PTPRD: variants seen among roughly 807,000 people sequenced by gnomAD.
PTPRD encodes protein tyrosine phosphatase receptor type D.
In PTPRD, 34 loss-of-function variants were observed where a neutral mutation model predicts 214.5. The ratio of observed to expected loss-of-function variants is 0.16; its 90% confidence interval spans 0.12 to 0.21. The LOEUF (loss-of-function observed/expected upper bound fraction) is 0.21. Ranked by LOEUF, PTPRD falls within the 10% of genes least tolerant of loss-of-function variation. The pLI is 1.00. For missense variants in PTPRD, 2,545 were observed against 2,398.7 expected (o/e 1.06, Z -1.27); for synonymous variants, 1,128 against 845.7 (o/e 1.33, Z -5.79).
intron 2 of PTPRD, among the ~76,000 whole-genome samples, chr9:10,563,289 G>A (rs2064561174): frequency 6.6e-6 from 1 of 152,150 alleles, no homozygotes; most frequent in South Asian, 2.1e-4. Context: ...TGAAGTTAAA[G>A]TTATGAAGGT....
intron 9 of PTPRD, among the ~76,000 whole-genome samples, chr9:9,208,489 C>T (rs1171718592): frequency 6.6e-6 from 1 of 151,586 alleles, no homozygotes; most frequent in African/African-American, 2.4e-5. Flanking sequence ...TGATATGTTC[C>T]CTTTATTTGG....
At chr9:10,059,257 G>C (rs753858236) in intron 3 of PTPRD, among the ~76,000 whole-genome samples, 21 of 152,252 alleles carry the variant, frequency 1.4e-4, no homozygotes, top group Non-Finnish European at 2.6e-4. Flanking sequence ...CTGCTCAGCA[G>C]TTCAGCCAAT....
At position 9,912,622 on chromosome 9, in the gene PTPRD, G is replaced by C. The variant is rs1313420705; in HGVS notation, c.-368+25885C>G. Among the ~76,000 whole-genome samples, 17 of 152,266 alleles carry C rather than the reference G, an allele frequency of 1.1e-4. No homozygotes were observed. In the East Asian group the frequency reaches 3.3e-3, roughly 29 times the overall value. On this transcript the variant is annotated intron_variant, in intron 5 of 45. Transcript: ENST00000381196. The stretch of plus-strand genomic sequence containing the variant: ...TCGTTGGCAATCAGTGCTGAAGCCT[G>C]ACACGTGAGTTTGCATCTCCCTCTG...
intron 12 of PTPRD, among the ~76,000 whole-genome samples, chr9:8,708,805 G>A (rs1383318614): frequency 6.6e-6 from 1 of 151,216 alleles, no homozygotes; most frequent in African/African-American, 2.4e-5. Flanking sequence ...CCTGTTTATT[G>A]CAGTAATACT....
At chr9:8,878,240 G>A (rs1181872046) in intron 11 of PTPRD, among the ~76,000 whole-genome samples, 8 of 152,134 alleles carry the variant, frequency 5.3e-5, no homozygotes, top group Non-Finnish European at 1.0e-4. Context: ...AGGGGAATTG[G>A]TCCACAACAT....
Position 8,933,340 on chromosome 9 carries a change from G to GTTTTTTTTTTT in PTPRD, c.-104+85346_-104+85356dup, listed in dbSNP as rs71317383. ...CCATCTTGCCAGCCACAACCTTGAGGTTTTTTTTTTTTTTTTTTTTTTTAC... is the reference window on the plus strand; with the variant it reads ...CCATCTTGCCAGCCACAACCTTGAGGTTTTTTTTTTTTTTTTTTTTTTTTTTTTTTTTTTAC... On this transcript the variant is annotated intron_variant, in intron 11 of 45. Transcript: ENST00000381196. Among the ~76,000 whole-genome samples, 76 of 80,400 alleles carry GTTTTTTTTTTT rather than the reference G, an allele frequency of 9.5e-4. 7 individuals carry two copies. Among genetic ancestry groups the GTTTTTTTTTTT allele is most frequent in the East Asian group, 1.5e-3 (3 of 2,058 alleles). 52.7% of individuals were successfully genotyped at this position (80,400 alleles called of 152,430 possible).
intron 9 of PTPRD, among the ~76,000 whole-genome samples, chr9:9,331,008 G>T (rs760009419): frequency 2.0e-5 from 3 of 151,234 alleles, no homozygotes; most frequent in Non-Finnish European, 2.9e-5. Flanking sequence ...CTGGTCATTT[G>T]GTTGCATGGA....
chr9:10,450,720 C>A lies in PTPRD; in HGVS notation c.-599-109703G>T, dbSNP rs112625815. Among the ~76,000 whole-genome samples the A allele has an allele frequency of 1.0e-2, 1,514 of 152,038 alleles. 36 individuals carry two copies. The highest frequency in any genetic ancestry group is 0.029 in the African/African-American group (1,191 of 41,336). On this transcript the variant is annotated intron_variant, in intron 2 of 45. Transcript: ENST00000381196. ...ATCAGTTTGTAGTCATTATTTAAAA[C>A]CATCCTGCTGGCCTTTGTTCTTTCT...
intron 2 of PTPRD, among the ~76,000 whole-genome samples, chr9:10,394,942 C>A (rs952650366): frequency 1.8e-4 from 27 of 147,876 alleles, no homozygotes; most frequent in African/African-American, 6.8e-4. Flanking sequence ...TGTGTTGCCA[C>A]CATTTTTTCT....
At chr9:9,216,212 C>A (rs910915915) in intron 9 of PTPRD, among the ~76,000 whole-genome samples, 3 of 152,096 alleles carry the variant, frequency 2.0e-5, no homozygotes, top group Non-Finnish European at 4.4e-5. Context: ...TGTACCTTGA[C>A]ATACATTTTA....
chr9:9,454,308 A>G (rs1205136653), intron 8 of PTPRD, among the ~76,000 whole-genome samples: 1 of 151,788 alleles, frequency 6.6e-6, no homozygotes, highest in African/African-American at 2.4e-5. Context: ...GAAGCCACCA[A>G]TGTGAAATCT....
chr9:8,464,616 G>A (rs1209428129), intron 32 of PTPRD, among the ~76,000 whole-genome samples: 2 of 151,844 alleles, frequency 1.3e-5, no homozygotes, highest in Admixed American at 6.6e-5. Context: ...GTCATATTTA[G>A]ACACCGATTA....
Position 8,867,754 on chromosome 9 carries a change from A to G in PTPRD, c.-103-133808T>C, listed in dbSNP as rs371814064. 2.6e-5 allele frequency among the ~76,000 whole-genome samples: 4 copies of G among 152,288 alleles called. No individual in the cohort carries two copies. In the East Asian group the frequency reaches 7.7e-4, roughly 29 times the overall value. ...TGCCTTTTATTAAAGTTATATTTAT[A>G]CTTGTTTTTCTCTTTTTCTTTCTAT... is the stretch of plus-strand genomic sequence containing the variant. On this transcript the variant is annotated intron_variant, in intron 11 of 45. Transcript: ENST00000381196.
intron 5 of PTPRD, among the ~76,000 whole-genome samples, chr9:9,819,763 C>A (rs2050074272): frequency 6.6e-6 from 1 of 152,092 alleles, no homozygotes; most frequent in South Asian, 2.1e-4. Context: ...GAACATGTTC[C>A]TGCACCAATT....
At chr9:9,097,450 C>T (rs2154435726) in intron 10 of PTPRD, among the ~76,000 whole-genome samples, 1 of 151,502 alleles carries the variant, frequency 6.6e-6, no homozygotes, top group Non-Finnish European at 1.5e-5. Flanking sequence ...GCTCTGTCAC[C>T]CAGGCTGGAA....
intron 11 of PTPRD, among the ~76,000 whole-genome samples, chr9:8,930,112 C>G (rs931028324): frequency 2.0e-5 from 3 of 149,570 alleles, no homozygotes; most frequent in Non-Finnish European, 3.0e-5. Flanking sequence ...CCTCCCACCC[C>G]CCCCCACACC....
intron 2 of PTPRD, among the ~76,000 whole-genome samples, chr9:10,516,904 G>C (rs1269501866): frequency 3.3e-5 from 5 of 151,630 alleles, no homozygotes; most frequent in Non-Finnish European, 5.9e-5. Context: ...TTCACTTCTG[G>C]ATTTGCTATT....
chr9:9,958,473 G>A (rs1382031273), intron 4 of PTPRD, among the ~76,000 whole-genome samples: 1 of 152,176 alleles, frequency 6.6e-6, no homozygotes, highest in Non-Finnish European at 1.5e-5. Context: ...AGAGGTTGCA[G>A]TGAGCCAAGA....
intron 11 of PTPRD, chr9:8,962,233 A>G (rs1443656124): frequency 6.6e-6 from 1 of 152,160 alleles, no homozygotes; most frequent in African/African-American, 2.4e-5. Flanking sequence ...AGAACAAGTC[A>G]TATACACACG....
Sources: gnomAD v4.1 joint callset for allele counts (sites outside exome capture counted in the v4.1 genomes callset) on GRCh38, gnomAD v4.1.1 for gene constraint, MANE v1.5 for transcripts, NCBI Gene and HGNC (gene_info 2026-07-23, HGNC 2026-07-21) for gene names.